The following PACRG variants were observed in gnomAD, a reference collection of about 807,000 sequenced individuals.
The protein encoded by PACRG is parkin coregulated gene protein.
Under a neutral mutation model 29.7 loss-of-function variants are expected in PACRG, and 29 were observed. That is an observed-to-expected ratio of 0.98 (90% CI 0.73 to 1.33). PACRG has a LOEUF of 1.33. PACRG is among the 40% of genes most tolerant of loss of function. The pLI is 0.00. For missense variants in PACRG, 279 were observed against 316.2 expected, an observed-to-expected ratio of 0.88 and a Z score of 0.89; for synonymous variants, 116 against 118.7, an observed-to-expected ratio of 0.98 and a Z score of 0.15.
chr6:162,983,173 T>C (rs191375063), intron 2 of PACRG, among the ~76,000 whole-genome samples: 1 of 152,142 alleles, frequency 6.6e-6, no homozygotes, highest in Admixed American at 6.6e-5. Context: ...TTTGCACTCC[T>C]TTCTCTAGGA....
chr6:162,803,495 T>C (rs1050406232), intron 1 of PACRG, among the ~76,000 whole-genome samples: 2 of 152,002 alleles, frequency 1.3e-5, no homozygotes, highest in Admixed American at 1.3e-4. Flanking sequence ...AGGAATCAAC[T>C]AGAAAAAGCA....
chr6:163,058,422 C>A (rs1810780938), intron 2 of PACRG, among the ~76,000 whole-genome samples: 1 of 152,138 alleles, frequency 6.6e-6, no homozygotes, highest in Non-Finnish European at 1.5e-5. Context: ...AATAGTAAGG[C>A]AACATATTTG....
At chr6:163,087,859 G>C (rs971145139) in intron 3 of PACRG, among the ~76,000 whole-genome samples, 3 of 151,976 alleles carry the variant, frequency 2.0e-5, no homozygotes, top group Non-Finnish European at 4.4e-5. Context: ...CCGGAGCAGA[G>C]GAGGTGAGGA....
At chr6:162,750,656 C>A (rs532044736) in intron 1 of PACRG, among the ~76,000 whole-genome samples, 72 of 152,278 alleles carry the variant, frequency 4.7e-4, no homozygotes, top group Non-Finnish European at 9.0e-4. Flanking sequence ...TTCATATAGT[C>A]ACTGCCAGTG....
At chr6:163,259,184 C>T (rs1395727528) in intron 4 of PACRG, among the ~76,000 whole-genome samples, 3 of 152,152 alleles carry the variant, frequency 2.0e-5, no homozygotes, top group African/African-American at 4.8e-5. Flanking sequence ...ATCCCAACCC[C>T]GTGCTCCTTT....
At chr6:162,804,501 T>C (rs2128344688) in intron 1 of PACRG, among the ~76,000 whole-genome samples, 1 of 152,286 alleles carries the variant, frequency 6.6e-6, no homozygotes, top group African/African-American at 2.4e-5. Flanking sequence ...GTGAAATAAT[T>C]TTCATACGGT....
intron 2 of PACRG, among the ~76,000 whole-genome samples, chr6:162,826,169 G>A (rs768055732): frequency 6.6e-6 from 1 of 152,080 alleles, no homozygotes; most frequent in Non-Finnish European, 1.5e-5. Context: ...ATTTCCCATG[G>A]AAGTCCCTTT....
chr6:162,855,975 G>A (rs186330867), intron 2 of PACRG, among the ~76,000 whole-genome samples: 7 of 152,110 alleles, frequency 4.6e-5, no homozygotes, highest in Admixed American at 2.6e-4. Flanking sequence ...CACCCATGCC[G>A]GACTTTATGC....
At chr6:163,306,802 T>C (rs1421337283) in intron 4 of PACRG, among the ~76,000 whole-genome samples, 1 of 152,226 alleles carries the variant, frequency 6.6e-6, no homozygotes, top group African/African-American at 2.4e-5. Context: ...CAGGCATCCA[T>C]TGAATAACTG....
rs111340399 is a variant in PACRG, at chr6:162,758,717, A to G, written c.156+30326A>G. ...CTCACCTATAAAAGAGGTTAATAAG[A>G]GTGTATGCCTCCTGGGGCTATGAGG... On this transcript the variant is annotated intron_variant, in intron 1 of 4. Transcript: ENST00000366888. Among the ~76,000 whole-genome samples, 794 of 152,306 alleles carry G rather than the reference A, an allele frequency of 5.2e-3. 6 individuals are homozygous for G. The highest frequency in any genetic ancestry group is 8.1e-3 in the Non-Finnish European group (550 of 68,026).
intron 3 of PACRG, among the ~76,000 whole-genome samples, chr6:163,074,983 A>G (rs1371560326): frequency 2.0e-5 from 3 of 152,000 alleles, no homozygotes; most frequent in African/African-American, 7.3e-5. Flanking sequence ...ACAGAGTGAG[A>G]CTCTGTCTCA....
intron 4 of PACRG, among the ~76,000 whole-genome samples, chr6:163,283,842 G>T (rs560202314): frequency 6.6e-6 from 1 of 151,870 alleles, no homozygotes; most frequent in South Asian, 2.1e-4. Flanking sequence ...GGCCAGATGC[G>T]GTGGCTCACA....
intron 2 of PACRG, among the ~76,000 whole-genome samples, chr6:162,833,913 G>A (rs962216653): frequency 6.6e-6 from 1 of 152,080 alleles, no homozygotes; most frequent in African/African-American, 2.4e-5. Context: ...TACAGTTCAA[G>A]TTGTGGTAAG....
At chr6:162,727,229 C>T (rs746657540), upstream of PACRG, 2 of 173,818 alleles carry the variant, frequency 1.2e-5, no homozygotes, top group African/African-American at 2.4e-5. Flanking sequence ...AAGAGCCCCA[C>T]AGAGAGTGGG....
intron 4 of PACRG, among the ~76,000 whole-genome samples, chr6:163,255,246 G>A (rs567159275): frequency 1.2e-4 from 19 of 152,318 alleles, no homozygotes; most frequent in African/African-American, 4.1e-4. Context: ...TAAAGAGGAA[G>A]AAGAAACTGC....
chr6:163,195,060 C>T (rs549538348), intron 4 of PACRG, among the ~76,000 whole-genome samples: 4 of 152,058 alleles, frequency 2.6e-5, no homozygotes, highest in South Asian at 2.1e-4. Context: ...GATCTGGAGT[C>T]GATGGTAGAG....
At chr6:163,245,047 C>A in intron 4 of PACRG, 1 of 455,570 alleles carries the variant, frequency 2.2e-6, no homozygotes, top group Non-Finnish European at 4.4e-6. Flanking sequence ...ATGTAAAAGT[C>A]TAATCTTCAT....
At chr6:162,930,813 G>T (rs1043031487) in intron 2 of PACRG, among the ~76,000 whole-genome samples, 1 of 151,516 alleles carries the variant, frequency 6.6e-6, no homozygotes, top group Non-Finnish European at 1.5e-5. Flanking sequence ...CTTGAATTTT[G>T]TCAAATGCTT....
At chr6:163,210,798 C>T (rs1370526996) in intron 4 of PACRG, among the ~76,000 whole-genome samples, 1 of 152,148 alleles carries the variant, frequency 6.6e-6, no homozygotes, top group Non-Finnish European at 1.5e-5. Context: ...AGATATAGGA[C>T]ATGTTAAGTA....
Sources: gnomAD v4.1 joint callset for allele counts (sites outside exome capture counted in the v4.1 genomes callset) on GRCh38, gnomAD v4.1.1 for gene constraint, MANE v1.5 for transcripts, NCBI Gene and HGNC (gene_info 2026-07-23, HGNC 2026-07-21) for gene names.